The following SEMA6D variants were observed in gnomAD, a reference collection of about 807,000 sequenced individuals.
The protein encoded by SEMA6D is semaphorin-6D.
Under a neutral mutation model 106.6 loss-of-function variants are expected in SEMA6D, and 35 were observed. That is an observed-to-expected ratio of 0.33 (90% CI 0.25 to 0.44). SEMA6D has a LOEUF of 0.44. Ranked by LOEUF, SEMA6D falls within the 20% of genes least tolerant of loss-of-function variation. The pLI, the probability that SEMA6D is intolerant of heterozygous loss-of-function variation, is 1.00. For missense variants in SEMA6D, 1,185 were observed against 1,345.9 expected, an observed-to-expected ratio of 0.88 and a Z score of 1.87; for synonymous variants, 499 against 487.7, an observed-to-expected ratio of 1.02 and a Z score of -0.31.
intron 2 of SEMA6D, among the ~76,000 whole-genome samples, chr15:47,440,835 AAGG>A (rs1250207334): frequency 6.6e-6 from 1 of 152,080 alleles, no homozygotes; most frequent in African/African-American, 2.4e-5. Flanking sequence ...AGCACATAGA[AAGG>A]AAACAAGAAA....
intron 2 of SEMA6D, among the ~76,000 whole-genome samples, chr15:47,455,772 T>C (rs978194839): frequency 6.6e-6 from 1 of 151,940 alleles, no homozygotes. Flanking sequence ...AGCAGATTTA[T>C]TGTGAATTTA....
chr15:47,408,278 A>G (rs1421537120), intron 1 of SEMA6D, among the ~76,000 whole-genome samples: 1 of 152,194 alleles, frequency 6.6e-6, no homozygotes, highest in African/African-American at 2.4e-5. Context: ...GACTTACTGC[A>G]TCTGTAAATG....
chr15:47,354,262 A>G (rs1555426791), intron 1 of SEMA6D, among the ~76,000 whole-genome samples: 2 of 146,482 alleles, frequency 1.4e-5, no homozygotes, highest in Non-Finnish European at 3.0e-5. Flanking sequence ...TTATAAGTGG[A>G]GATGACAAGA....
At chr15:47,276,731 A>G (rs950286103) in intron 1 of SEMA6D, among the ~76,000 whole-genome samples, 3 of 152,188 alleles carry the variant, frequency 2.0e-5, no homozygotes, top group African/African-American at 4.8e-5. Context: ...CTAACAAAAC[A>G]TTCATTCTGT....
At chr15:47,441,248 G>A (rs12439443) in intron 2 of SEMA6D, among the ~76,000 whole-genome samples, 114,266 of 151,984 alleles carry the variant, frequency 0.75, 43,447 homozygotes, top group East Asian at 0.98. Context: ...CCAAAAACAT[G>A]TTCTTCATCT....
intron 3 of SEMA6D, among the ~76,000 whole-genome samples, chr15:47,480,639 A>G (rs13380310): frequency 0.025 from 3,762 of 152,078 alleles, 147 homozygotes; most frequent in African/African-American, 0.076. Flanking sequence ...CCCTTACCTC[A>G]TCCACTCCCC....
intron 2 of SEMA6D, among the ~76,000 whole-genome samples, chr15:47,458,376 T>C (rs2042406266): frequency 1.3e-5 from 2 of 151,934 alleles, no homozygotes; most frequent in Non-Finnish European, 2.9e-5. Flanking sequence ...TAATTGACAT[T>C]ATGGAAGACT....
chr15:47,514,896 A>T (rs2044340139), intron 3 of SEMA6D, among the ~76,000 whole-genome samples: 1 of 152,202 alleles, frequency 6.6e-6, no homozygotes, highest in Non-Finnish European at 1.5e-5. Context: ...TCAGCCTCAG[A>T]CCAAGTGGAT....
intron 4 of SEMA6D, among the ~76,000 whole-genome samples, chr15:47,605,855 C>T (rs980891787): frequency 2.6e-5 from 4 of 152,188 alleles, no homozygotes; most frequent in Non-Finnish European, 4.4e-5. Context: ...CTCTTCTAAA[C>T]CTCCATTGTT....
intron 4 of SEMA6D, among the ~76,000 whole-genome samples, chr15:47,618,276 A>G (rs147625354): frequency 3.2e-4 from 49 of 152,344 alleles, no homozygotes; most frequent in Non-Finnish European, 5.9e-4. Context: ...AGAGCAGCTC[A>G]TTTATTTGAA....
chr15:47,398,473 A>G (rs898424394), intron 1 of SEMA6D, among the ~76,000 whole-genome samples: 15 of 152,232 alleles, frequency 9.9e-5, no homozygotes, highest in African/African-American at 3.4e-4. Flanking sequence ...GTCTGTGTCT[A>G]TGCCAATAAA....
chr15:47,759,085 T>G (rs2081925322), intron 1 of SEMA6D, among the ~76,000 whole-genome samples: 2 of 152,170 alleles, frequency 1.3e-5, no homozygotes, highest in Non-Finnish European at 2.9e-5. Context: ...CATCCCTGCC[T>G]TGCTTTGCTT....
chr15:47,275,544 A>G (rs1171741266), intron 1 of SEMA6D, among the ~76,000 whole-genome samples: 2 of 151,978 alleles, frequency 1.3e-5, no homozygotes, highest in Non-Finnish European at 2.9e-5. Context: ...GTAATCAGTG[A>G]TCTTTGATGT....
chr15:47,553,496 A>G (rs919489551), intron 3 of SEMA6D, among the ~76,000 whole-genome samples: 13 of 152,134 alleles, frequency 8.5e-5, no homozygotes, highest in Non-Finnish European at 1.8e-4. Context: ...ATTCCTGCTA[A>G]TAGTTCACAT....
chr15:47,536,894 T>A (rs1277418074), intron 3 of SEMA6D, among the ~76,000 whole-genome samples: 1 of 152,242 alleles, frequency 6.6e-6, no homozygotes, highest in Admixed American at 6.5e-5. Flanking sequence ...AATTTCTCCA[T>A]GTAAAAATAC....
In SEMA6D at chr15:47,771,389, C is replaced by A; in HGVS notation, c.2826C>A (p.Thr942=). 6.2e-7 allele frequency: 1 copy of A among 1,614,038 alleles called. No individual in the cohort carries two copies. Among genetic ancestry groups the A allele is most frequent in the African/African-American group, 1.3e-5 (1 of 75,040 alleles). The change falls in exon 19 of 19, where the codon ACC becomes ACA. Residue 942 remains threonine, a synonymous_variant. Transcript: ENST00000536845. ...CAACTCTCCCCAGAAATAGCCCAAC[C>A]AAGCGAGTGGATGTCCCCACCACTC... ...PPSTLPRNSP[T]KRVDVPTTPG...
At chr15:47,302,634 G>A (rs968105717) in intron 1 of SEMA6D, among the ~76,000 whole-genome samples, 3 of 152,188 alleles carry the variant, frequency 2.0e-5, no homozygotes, top group African/African-American at 7.2e-5. Flanking sequence ...ACCAGTGAGA[G>A]AAGGGGATGT....
chr15:47,254,301 G>A (rs961635515), intron 1 of SEMA6D, among the ~76,000 whole-genome samples: 7 of 113,256 alleles, frequency 6.2e-5, no homozygotes, highest in African/African-American at 1.8e-4. Flanking sequence ...ATATAGATGT[G>A]TATATATATG....
chr15:47,634,354 G>C (rs2077343458), intron 4 of SEMA6D, among the ~76,000 whole-genome samples: 1 of 152,110 alleles, frequency 6.6e-6, no homozygotes, highest in Admixed American at 6.6e-5. Flanking sequence ...TGAGGTAGAA[G>C]GTCACTTTCC....
Sources: gnomAD v4.1 joint callset for allele counts (sites outside exome capture counted in the v4.1 genomes callset) on GRCh38, gnomAD v4.1.1 for gene constraint, MANE v1.5 for transcripts, NCBI Gene and HGNC (gene_info 2026-07-23, HGNC 2026-07-21) for gene names.